Variants in CSMD1 observed in about 807,000 individuals in gnomAD.
The protein encoded by CSMD1 is CUB and Sushi multiple domains 1, also known as CUB and sushi domain-containing protein 1.
CSMD1 carries 213 observed loss-of-function variants against 417.5 expected under a neutral mutation model. The observed-to-expected ratio is 0.51, with a 90% confidence interval of 0.46 to 0.57. The LOEUF (loss-of-function observed/expected upper bound fraction) is 0.57, where lower values mean the gene tolerates loss of function less well. Ranked by LOEUF, CSMD1 falls within the 20% of genes least tolerant of loss-of-function variation. The pLI is 0.00. For synonymous variants in CSMD1, 2,862 were observed against 1,736.8 expected, an observed-to-expected ratio of 1.65 and a Z score of -16.11; for missense variants, 6,923 against 4,529.7, an observed-to-expected ratio of 1.53 and a Z score of -15.17.
At chr8:4,216,127 C>T (rs1035883290) in intron 3 of CSMD1, among the ~76,000 whole-genome samples, 1 of 152,126 alleles carries the variant, frequency 6.6e-6, no homozygotes, top group East Asian at 1.9e-4. Flanking sequence ...CTGCCACCTG[C>T]CTTTTTTATG....
intron 1 of CSMD1, among the ~76,000 whole-genome samples, chr8:4,755,952 T>A (rs1246418994): frequency 6.6e-6 from 1 of 152,218 alleles, no homozygotes; most frequent in Non-Finnish European, 1.5e-5. Flanking sequence ...ACTGGTTTCA[T>A]TGTATTATTA....
intron 1 of CSMD1, among the ~76,000 whole-genome samples, chr8:4,663,692 T>G (rs1804749017): frequency 6.6e-6 from 1 of 152,312 alleles, no homozygotes; most frequent in South Asian, 2.1e-4. Flanking sequence ...CGGTCCAGCC[T>G]ACAGAACCGC....
intron 1 of CSMD1, among the ~76,000 whole-genome samples, chr8:4,800,564 C>T (rs140720960): frequency 1.3e-5 from 2 of 152,234 alleles, no homozygotes; most frequent in African/African-American, 2.4e-5. Context: ...CTGATAAAGA[C>T]CTCAGACCGT....
At chr8:4,835,820 C>A (rs915068643) in intron 1 of CSMD1, among the ~76,000 whole-genome samples, 2 of 151,712 alleles carry the variant, frequency 1.3e-5, no homozygotes, top group Non-Finnish European at 2.9e-5. Flanking sequence ...AGTATCCAGA[C>A]ATGGAATTAC....
intron 3 of CSMD1, among the ~76,000 whole-genome samples, chr8:4,197,699 T>C (rs1799419933): frequency 6.6e-6 from 1 of 152,222 alleles, no homozygotes; most frequent in African/African-American, 2.4e-5. Context: ...GCCAACATAG[T>C]GAAGCTCTGT....
At chr8:3,604,564 C>G (rs1309646239) in intron 8 of CSMD1, among the ~76,000 whole-genome samples, 1 of 152,020 alleles carries the variant, frequency 6.6e-6, no homozygotes, top group African/African-American at 2.4e-5. Context: ...TCTGCTCTAA[C>G]TTTATAAGTA....
At chr8:4,264,220 T>C (rs189524002) in intron 3 of CSMD1, among the ~76,000 whole-genome samples, 1 of 152,308 alleles carries the variant, frequency 6.6e-6, no homozygotes. Flanking sequence ...TACAATTAAT[T>C]ATTAGAATTT....
chr8:4,325,183 A>T (rs555337608), intron 3 of CSMD1, among the ~76,000 whole-genome samples: 1 of 152,296 alleles, frequency 6.6e-6, no homozygotes. Flanking sequence ...AATATAACAA[A>T]GGAAACTGTC....
At chr8:4,217,148 C>G (rs1700068) in intron 3 of CSMD1, among the ~76,000 whole-genome samples, 80,013 of 151,950 alleles carry the variant, frequency 0.53, 22,571 homozygotes, top group Non-Finnish European at 0.62. Context: ...GTAGAAAAGC[C>G]CAGAAATAAC....
chr8:3,666,132 G>C (rs1216729354), intron 7 of CSMD1, among the ~76,000 whole-genome samples: 3 of 152,170 alleles, frequency 2.0e-5, no homozygotes, highest in Non-Finnish European at 4.4e-5. Flanking sequence ...CTGACCTCAA[G>C]TGATCTACAT....
rs1278321174 is a variant in CSMD1 at position 4,216,275 on chromosome 8, C to A, written c.416-184176G>T. ...AATCCTTTCACTCTACGAGACCTGA[C>A]CTTCTCCCTGTGGTTGCCTAGTCAA... On this transcript the variant is annotated intron_variant, in intron 3 of 69. Coordinates refer to ENST00000635120, the MANE Select transcript of CSMD1 (RefSeq NM_033225.6). Among the ~76,000 whole-genome samples the A allele has an allele frequency of 3.3e-5, 5 of 152,190 alleles. No individual in the cohort carries two copies. In the South Asian group the frequency reaches 1.0e-3, roughly 32 times the overall value.
intron 54 of CSMD1, among the ~76,000 whole-genome samples, chr8:2,987,659 G>A (rs549598496): frequency 2.5e-4 from 38 of 152,146 alleles, no homozygotes; most frequent in Admixed American, 8.5e-4. Context: ...AAAATCGGAG[G>A]ATGAATGCCC....
intron 21 of CSMD1, among the ~76,000 whole-genome samples, chr8:3,348,612 C>A (rs544496291): frequency 6.6e-6 from 1 of 152,140 alleles, no homozygotes; most frequent in Non-Finnish European, 1.5e-5. Context: ...TCAACTGGGA[C>A]GCATTCAAAG....
intron 1 of CSMD1, among the ~76,000 whole-genome samples, chr8:4,983,351 T>C (rs1239505239): frequency 6.6e-6 from 1 of 152,144 alleles, no homozygotes; most frequent in Non-Finnish European, 1.5e-5. Flanking sequence ...TGGAATCAAG[T>C]ATATTACATA....
chr8:4,895,817 C>A (rs949587524), intron 1 of CSMD1, among the ~76,000 whole-genome samples: 7 of 151,966 alleles, frequency 4.6e-5, no homozygotes, highest in Non-Finnish European at 1.0e-4. Context: ...CTCCTAAATC[C>A]CCTAAAATAT....
intron 3 of CSMD1, among the ~76,000 whole-genome samples, chr8:4,075,640 G>A (rs574900667): frequency 6.6e-6 from 1 of 152,154 alleles, no homozygotes; most frequent in Admixed American, 6.5e-5. Flanking sequence ...CTCACACTGT[G>A]TTGGGGAAAT....
Position 3,405,933 on chromosome 8 carries a change from C to G in CSMD1, c.2266+94G>C, listed in dbSNP as rs1338451243. ...TGTGTGGTATTTTGTTAGGGCAGCC[C>G]TAGCAAGCTAACACAGTTTGTTGGT... On this transcript the variant is annotated intron_variant, in intron 15 of 69. Coordinates refer to ENST00000635120, the MANE Select transcript of CSMD1 (RefSeq NM_033225.6). The G allele has an allele frequency of 4.1e-6, 5 of 1,223,226 alleles. No individual in the cohort carries two copies. In the African/African-American group the frequency reaches 6.0e-5, roughly 15 times the overall value. The allele number at this position is 1,223,226 out of a possible 1,614,324, so 75.8% of individuals were successfully genotyped here. A position where few individuals can be genotyped will look rare whatever the true frequency, so the allele number is the denominator to read the frequency against.
intron 2 of CSMD1, among the ~76,000 whole-genome samples, chr8:4,565,632 G>C (rs1342109470): frequency 6.6e-6 from 1 of 151,422 alleles, no homozygotes; most frequent in Admixed American, 6.6e-5. Flanking sequence ...CTACTCAGGA[G>C]GCTGAAGCAG....
chr8:3,958,418 C>A (rs898264926), intron 5 of CSMD1, among the ~76,000 whole-genome samples: 1 of 150,834 alleles, frequency 6.6e-6, no homozygotes, highest in Non-Finnish European at 1.5e-5. Context: ...ATGGTGAGTT[C>A]ATGGAAGCAT....
Sources: gnomAD v4.1 joint callset for allele counts (sites outside exome capture counted in the v4.1 genomes callset) on GRCh38, gnomAD v4.1.1 for gene constraint, MANE v1.5 for transcripts, NCBI Gene and HGNC (gene_info 2026-07-23, HGNC 2026-07-21) for gene names.